TRPV4: variants seen among roughly 807,000 people sequenced by gnomAD.
TRPV4 encodes transient receptor potential cation channel subfamily V member 4, also known as OSM9-like transient receptor potential channel 4.
Under a neutral mutation model 84.1 loss-of-function variants are expected in TRPV4, and 58 were observed. The observed-to-expected ratio is 0.69, with a 90% CI of 0.56 to 0.86. The LOEUF is 0.86. TRPV4 is among the 40% of genes least tolerant of loss of function. The pLI, the probability that TRPV4 is intolerant of heterozygous loss-of-function variation, is 0.00. For missense variants in TRPV4, 879 were observed against 1,181.1 expected (o/e 0.74, Z 3.75); for synonymous variants, 489 against 500.9 (o/e 0.98, Z 0.32).
At chr12:109,805,994 A>G (rs918657266) in intron 3 of TRPV4, among the ~76,000 whole-genome samples, 1 of 152,166 alleles carries the variant, frequency 6.6e-6, no homozygotes, top group African/African-American at 2.4e-5. Context: ...TGCCTCACGT[A>G]CTTGGTGGAC....
chr12:109,819,629 T>G (rs1420767367), intron 1 of TRPV4, among the ~76,000 whole-genome samples: 4 of 152,336 alleles, frequency 2.6e-5, no homozygotes, highest in African/African-American at 9.6e-5. Flanking sequence ...TGGCACAATC[T>G]CAGCTCACTG....
intron 12 of TRPV4, among the ~76,000 whole-genome samples, chr12:109,791,453 A>G (rs114787720): frequency 0.032 from 4,870 of 151,294 alleles, 183 homozygotes; most frequent in African/African-American, 0.089. Context: ...AGCAATAGCT[A>G]ATACTCCAGT....
chr12:109,785,770 C>T (rs1046442000), intron 14 of TRPV4, among the ~76,000 whole-genome samples: 3 of 151,646 alleles, frequency 2.0e-5, no homozygotes, highest in African/African-American at 4.8e-5. Flanking sequence ...TGGTGGCTCA[C>T]GCCTGTAATC....
rs748631628 is a variant in TRPV4 at position 109,796,744 on chromosome 12, A to T, written c.1153-40T>A. 8 of 1,582,600 alleles carry T rather than the reference A, an allele frequency of 5.1e-6. No individual in the cohort carries two copies. In the Admixed American group the frequency reaches 5.1e-5, roughly 10 times the overall value. The stretch of plus-strand genomic sequence containing the variant: ...AGGAGGGTCAGGGGGCTCACACTGG[A>T]AAGACCCCCAGGGCTGGGCCCAGCT... On this transcript the variant is annotated intron_variant, in intron 6 of 15. Transcript: ENST00000261740. The surrounding 1 kb of genome is among the most constrained non-coding windows in gnomAD (Gnocchi z 4.2).
At position 109,793,971 on chromosome 12, in the gene TRPV4, C is replaced by G; in HGVS notation, c.1543G>C (p.Val515Leu). Residue 515 changes from valine to leucine, a missense_variant, in exon 9 of 16, where the codon GTC (valine) becomes CTC (leucine). Transcript: ENST00000261740. The surrounding 1 kb of genome is among the most constrained non-coding windows in gnomAD (Gnocchi z 4.0). ...TVDYLRLAGE[V>L]ITLFTGVLFF... ...AGGACCCCAGTGAAGAGCGTAATGA[C>G]CTCGCCAGCCAGCCGCAGGTAGTCC... The G allele has an allele frequency of 6.2e-7, 1 of 1,610,416 alleles. No individual in the cohort carries two copies. The highest frequency in any genetic ancestry group is 2.2e-5 in the East Asian group (1 of 44,736).
In TRPV4 at chr12:109,783,832, G is replaced by A; in HGVS notation, c.2459-54C>T. 6.3e-7 allele frequency: 1 copy of A among 1,596,434 alleles called. No individual in the cohort carries two copies. The highest frequency in any genetic ancestry group is 1.7e-5 in the Admixed American group (1 of 59,812). On this transcript the variant is annotated intron_variant, in intron 15 of 15. Coordinates refer to ENST00000261740, the MANE Select transcript of TRPV4 (RefSeq NM_021625.5). This position sits in a 1 kb window ranked among gnomAD's most constrained non-coding sequence, Gnocchi z 4.6. ...GTGGGGGTTGGTGGAGAGAGAGCGTGCGTATATTGAGTGCCTACTGTGTAC... is the reference window on the plus strand; with the variant it reads ...GTGGGGGTTGGTGGAGAGAGAGCGTACGTATATTGAGTGCCTACTGTGTAC...
In TRPV4 at chr12:109,796,428, G is replaced by A; in HGVS notation, c.1332+97C>T. On this transcript the variant is annotated intron_variant, in intron 7 of 15. Coordinates refer to ENST00000261740, the MANE Select transcript of TRPV4 (RefSeq NM_021625.5). The surrounding 1 kb of genome is among the most constrained non-coding windows in gnomAD (Gnocchi z 4.2). Reference sequence around the variant, plus strand: ...AGACCCACCACGTTGGGTCCTAGAGGCTGGGGCTGTCTCCCCCAGCCCAGC... The same window carrying A: ...AGACCCACCACGTTGGGTCCTAGAGACTGGGGCTGTCTCCCCCAGCCCAGC... 2 of 1,448,392 alleles carry A rather than the reference G, an allele frequency of 1.4e-6. No homozygotes were observed. Among genetic ancestry groups the A allele is most frequent in the African/African-American group, 1.4e-5 (1 of 71,332 alleles). The allele number at this position is 1,448,392 out of a possible 1,614,324, so 89.7% of individuals were successfully genotyped here.
intron 1 of TRPV4, among the ~76,000 whole-genome samples, chr12:109,829,219 G>C (rs1249393018): frequency 1.3e-5 from 2 of 152,020 alleles, no homozygotes; most frequent in Non-Finnish European, 2.9e-5. Flanking sequence ...AATAGATGCT[G>C]GTTTTAAACT....
intron 1 of TRPV4, among the ~76,000 whole-genome samples, chr12:109,823,941 T>TTGTG (rs113643368): frequency 0.26 from 38,707 of 149,398 alleles, 5,750 homozygotes; most frequent in East Asian, 0.69. Context: ...TTTTTCTTTC[T>TTGTG]TGTGTGTGTG....
intron 1 of TRPV4, among the ~76,000 whole-genome samples, chr12:109,819,282 G>A (rs1355687224): frequency 2.0e-5 from 3 of 152,240 alleles, no homozygotes; most frequent in African/African-American, 7.2e-5. Context: ...CTGAGAGCCT[G>A]GGTGTGAGTC....
chr12:109,783,713 C>A lies in TRPV4; in HGVS notation c.2524G>T (p.Val842Leu), dbSNP rs1255642563. 2 of 1,613,676 alleles carry A rather than the reference C, an allele frequency of 1.2e-6. No homozygotes were observed. The highest frequency in any genetic ancestry group is 1.7e-6 in the Non-Finnish European group (2 of 1,180,012). Residue 842 changes from valine to leucine, a missense_variant, in exon 16 of 16, where the codon GTG becomes TTG. This residue lies in a region of TRPV4 where 242 missense variants were observed against 355.3 expected (regional missense o/e 0.68). Coordinates refer to ENST00000261740, the MANE Select transcript of TRPV4 (RefSeq NM_021625.5). The surrounding 1 kb of genome is among the most constrained non-coding windows in gnomAD (Gnocchi z 4.6). ...TTCCCCATGCTGTCCAGAGGCACCACCACCTCGTCCGGGTTCGAGTTCTTG... is the reference window on the plus strand; with the variant it reads ...TTCCCCATGCTGTCCAGAGGCACCAACACCTCGTCCGGGTTCGAGTTCTTG... ...LNKNSNPDEV[V>L]VPLDSMGNPR...
At chr12:109,827,923 C>T (rs1420150497) in intron 1 of TRPV4, among the ~76,000 whole-genome samples, 2 of 152,010 alleles carry the variant, frequency 1.3e-5, no homozygotes, top group Non-Finnish European at 2.9e-5. Flanking sequence ...CATCAATATA[C>T]ACACACATAC....
At chr12:109,828,762 G>A (rs1380967720) in intron 1 of TRPV4, among the ~76,000 whole-genome samples, 1 of 152,190 alleles carries the variant, frequency 6.6e-6, no homozygotes, top group African/African-American at 2.4e-5. Flanking sequence ...CTGGCTTCCA[G>A]CTCCAGCTCT....
chr12:109,821,693 G>A (rs1015839542), intron 1 of TRPV4, among the ~76,000 whole-genome samples: 5 of 151,892 alleles, frequency 3.3e-5, no homozygotes, highest in Non-Finnish European at 7.4e-5. Context: ...ACAACACCCG[G>A]CTAATTTTTC....
rs765739810 is a variant in TRPV4 at position 109,784,286 on chromosome 12, G to A, written c.2458+30C>T. ...AAATTCGTGATGAGAATGGACTGGG[G>A]CTCCCCTCCGCACCCGCCCCTCCAC... On this transcript the variant is annotated intron_variant, in intron 15 of 15. Coordinates refer to ENST00000261740, the MANE Select transcript of TRPV4 (RefSeq NM_021625.5). The A allele has an allele frequency of 3.2e-5, 51 of 1,613,748 alleles. 1 individual carries two copies. In the South Asian group the frequency reaches 5.4e-4, roughly 17 times the overall value.
Position 109,814,805 on chromosome 12 carries a change from C to G in TRPV4, c.-9G>C. 2 of 1,538,404 alleles carry G rather than the reference C, an allele frequency of 1.3e-6. No homozygotes were observed. Among genetic ancestry groups the G allele is most frequent in the South Asian group, 2.4e-5 (2 of 84,062 alleles). ...TCGCTGGAATCCGCCATGCCTGCCC[C>G]AGGCCCGTCTGCACTGCTCAGCCTG... On this transcript the variant is annotated 5_prime_UTR_variant, in exon 2 of 16. Transcript: ENST00000261740. The surrounding 1 kb of genome is among the most constrained non-coding windows in gnomAD (Gnocchi z 5.4).
intron 2 of TRPV4, among the ~76,000 whole-genome samples, chr12:109,811,738 A>G (rs910415539): frequency 1.3e-5 from 2 of 151,974 alleles, no homozygotes; most frequent in African/African-American, 4.8e-5. Context: ...TGACCAAGCA[A>G]GGGCTGTGAA....
At chr12:109,821,616 G>A (rs879294837) in intron 1 of TRPV4, among the ~76,000 whole-genome samples, 20 of 151,856 alleles carry the variant, frequency 1.3e-4, no homozygotes, top group Non-Finnish European at 2.8e-4. Context: ...TGCAACCTCC[G>A]CCTCCTGGGT....
chr12:109,831,605 T>C (rs548286074), intron 1 of TRPV4, among the ~76,000 whole-genome samples: 13 of 152,346 alleles, frequency 8.5e-5, no homozygotes, highest in Admixed American at 7.8e-4. Context: ...AGGGAGTAAG[T>C]GGCAGAGGCC....
Sources: gnomAD v4.1 joint callset for allele counts (sites outside exome capture counted in the v4.1 genomes callset) on GRCh38, gnomAD v4.1.1 for gene constraint, gnomAD v4.1.1 regional missense constraint, Gnocchi (gnomAD v3.1) non-coding constraint, MANE v1.5 for transcripts, NCBI Gene and HGNC (gene_info 2026-07-23, HGNC 2026-07-21) for gene names.